The following SETX variants were observed in gnomAD, a reference collection of about 807,000 sequenced individuals.
SETX encodes the protein senataxin.
Under a neutral mutation model 227.2 loss-of-function variants are expected in SETX, and 90 were observed. That is an observed-to-expected ratio of 0.40 (90% CI 0.33 to 0.47). SETX has a LOEUF of 0.47. Ranked by LOEUF, SETX falls within the 20% of genes least tolerant of loss-of-function variation. The pLI, the probability that SETX is intolerant of heterozygous loss-of-function variation, is 0.91. For missense variants in SETX, 3,052 were observed against 3,181.5 expected, an observed-to-expected ratio of 0.96 and a Z score of 0.98; for synonymous variants, 1,210 against 1,113.2, an observed-to-expected ratio of 1.09 and a Z score of -1.73.
intron 25 of SETX, among the ~76,000 whole-genome samples, chr9:132,268,373 C>T (rs533819712): frequency 6.6e-6 from 1 of 152,132 alleles, no homozygotes; most frequent in African/African-American, 2.4e-5. Flanking sequence ...TAGGTACATG[C>T]GCCTATAGTC....
intron 5 of SETX, 130 bp downstream of exon 5, chr9:132,342,560 T>C (rs917461223): frequency 4.3e-5 from 34 of 796,086 alleles, no homozygotes; most frequent in East Asian, 2.2e-4. Flanking sequence ...TACTTAACTG[T>C]AGTAAATTTT....
intron 7 of SETX, 24 bp downstream of exon 7, chr9:132,334,583 AC>A (rs1564552783): frequency 6.2e-7 from 1 of 1,613,144 alleles, no homozygotes; most frequent in Non-Finnish European, 8.5e-7. Flanking sequence ...ATATTCAACA[AC>A]ATTCAGCAAG....
At chr9:132,331,508 T>C in intron 7 of SETX, 60 bp from the exon 8 acceptor site, 1 of 1,543,108 alleles carries the variant, frequency 6.5e-7, no homozygotes, top group Non-Finnish European at 8.9e-7. Flanking sequence ...TACTACAATA[T>C]ATTGAGAATT....
chr9:132,305,271 G>A (rs1005609542), intron 11 of SETX, among the ~76,000 whole-genome samples: 48 of 146,472 alleles, frequency 3.3e-4, no homozygotes, highest in African/African-American at 1.2e-3. Context: ...GGAGAATGGC[G>A]TGAACCCGGG....
chr9:132,340,365 T>C (rs1847886315), intron 5 of SETX, among the ~76,000 whole-genome samples: 1 of 152,244 alleles, frequency 6.6e-6, no homozygotes, highest in South Asian at 2.1e-4. Flanking sequence ...TGTCCTAATA[T>C]ATCTGCTTCT....
intron 7 of SETX, among the ~76,000 whole-genome samples, chr9:132,333,412 T>TAA: frequency 9.6e-6 from 1 of 104,028 alleles, no homozygotes; most frequent in Admixed American, 9.8e-5. Context: ...AAAAAAAATA[T>TAA]ATATACACAC....
chr9:132,329,677 A>T lies in SETX; in HGVS notation c.1921T>A (p.Ser641Thr). 1 of 1,613,920 alleles carries T rather than the reference A, an allele frequency of 6.2e-7. No homozygotes were observed. Among genetic ancestry groups the T allele is most frequent in the Non-Finnish European group, 8.5e-7 (1 of 1,179,968 alleles). The stretch of plus-strand genomic sequence containing the variant: ...GGTTCTTTAGAAAATGTTGGGCTGG[A>T]AGCTTCCAAACAATGCATATCTTTT... ...SRKDMHCLEASSPTFSKEPMK... is the reference protein window; with the variant it reads ...SRKDMHCLEATSPTFSKEPMK... Residue 641 changes from serine to threonine, a missense_variant, in exon 10 of 26, where the codon TCC becomes ACC. By Grantham distance (58) the Ser-to-Thr change is moderately conservative (BLOSUM62 1). Coordinates refer to ENST00000224140, the MANE Select transcript of SETX (RefSeq NM_015046.7).
intron 10 of SETX, among the ~76,000 whole-genome samples, chr9:132,324,534 T>G (rs1846581980): frequency 1.3e-5 from 2 of 152,206 alleles, no homozygotes; most frequent in Admixed American, 6.5e-5. Flanking sequence ...AGTTAACTCC[T>G]AGTCACTTGG....
At chr9:132,307,124 G>A (rs1300970670) in intron 11 of SETX, among the ~76,000 whole-genome samples, 1 of 152,084 alleles carries the variant, frequency 6.6e-6, no homozygotes, top group Non-Finnish European at 1.5e-5. Context: ...GTGTGGTGGT[G>A]AGCACCTGTA....
chr9:132,343,957 T>C (rs1848141453), intron 4 of SETX, among the ~76,000 whole-genome samples: 2 of 152,084 alleles, frequency 1.3e-5, no homozygotes, highest in African/African-American at 2.4e-5. Flanking sequence ...GTCAAACTCA[T>C]GGCCAAAAAA....
chr9:132,264,844 G>A lies in SETX; in HGVS notation c.7429C>T (p.Pro2477Ser), dbSNP rs761790732. 6.2e-7 allele frequency: 1 copy of A among 1,614,190 alleles called. No homozygotes were observed. Among genetic ancestry groups the A allele is most frequent in the Non-Finnish European group, 8.5e-7 (1 of 1,180,036 alleles). ...CTGGACCCCTCTGGGGCTATGGTAG[G>A]AGGGTGAGTGAGACTTCTCTGCAGC... ...PVLQRSLTHP[P>S]TIAPEGSRPQ... Residue 2477 changes from proline to serine, a missense_variant, in exon 26 of 26, where the codon CCT becomes TCT. Physicochemically the swap from Pro to Ser is moderately conservative, Grantham distance 74. This residue lies in a region of SETX where 294 missense variants were observed against 278.8 expected (regional missense o/e 1.05). Transcript: ENST00000224140.
chr9:132,320,593 C>CAAAAAAAAAAAAAAAAAAAAAAAA (rs141457619), intron 10 of SETX, among the ~76,000 whole-genome samples: 1 of 61,068 alleles, frequency 1.6e-5, no homozygotes, highest in Non-Finnish European at 2.9e-5. Context: ...GACTCCAACT[C>CAAAAAAAAAAAAAAAAAAAAAAAA]AAAAAAAAAA....
chr9:132,327,095 A>G lies in SETX; in HGVS notation c.4503T>C (p.Asn1501=). Residue 1501 remains asparagine, a synonymous_variant, in exon 10 of 26, where the codon AAT becomes AAC. Coordinates refer to ENST00000224140, the MANE Select transcript of SETX (RefSeq NM_015046.7). ...AACATAAATCCATATCTTCAGGATC[A>G]TTTTGGGTTAAAAATAAGTTATCTT... ...AEEDNLFLTQ[N]DPEDMDLCSQ... 6.2e-7 allele frequency: 1 copy of G among 1,614,186 alleles called. No individual in the cohort carries two copies. Among genetic ancestry groups the G allele is most frequent in the South Asian group, 1.1e-5 (1 of 91,084 alleles).
intron 5 of SETX, among the ~76,000 whole-genome samples, chr9:132,338,384 C>A (rs1361034822): frequency 6.6e-6 from 1 of 152,142 alleles, no homozygotes; most frequent in African/African-American, 2.4e-5. Flanking sequence ...AGCCACCGTG[C>A]CCAGCCTCAC....
chr9:132,283,546 G>A (rs1453585563), intron 18 of SETX, 133 bp from the exon 19 acceptor site: 8 of 1,113,010 alleles, frequency 7.2e-6, no homozygotes, highest in Non-Finnish European at 1.1e-5. Flanking sequence ...TAAAAGTTAG[G>A]GGAAACCCTC....
At position 132,261,914 on chromosome 9, in the gene SETX, AAAG is replaced by A. The variant is rs1197464837; in HGVS notation, c.*2322_*2324del. The A allele has an allele frequency of 6.5e-6, 1 of 154,450 alleles. No individual in the cohort carries two copies. The highest frequency in any genetic ancestry group is 1.5e-5 in the Non-Finnish European group (1 of 68,220). The allele number at this position is 154,450 out of a possible 1,614,324, so 9.6% of individuals were successfully genotyped here. On this transcript the variant is annotated 3_prime_UTR_variant, in exon 26 of 26. Coordinates refer to ENST00000224140, the MANE Select transcript of SETX (RefSeq NM_015046.7). ...AAGAGCCACACTTCACACCTTGTAA[AAAG>A]AATAGCCCTGTTCAACAACGCTGCG...
At chr9:132,308,859 T>C (rs927192535) in intron 11 of SETX, among the ~76,000 whole-genome samples, 2 of 151,802 alleles carry the variant, frequency 1.3e-5, no homozygotes, top group African/African-American at 2.4e-5. Flanking sequence ...TAGAGCAAGG[T>C]AGGAGGGGTG....
At chr9:132,319,611 T>G (rs893018698) in intron 10 of SETX, among the ~76,000 whole-genome samples, 42 of 152,162 alleles carry the variant, frequency 2.8e-4, no homozygotes, top group Admixed American at 2.4e-3. Flanking sequence ...CCACCCCACC[T>G]CCTGAACAAT....
chr9:132,346,298 T>C lies in SETX; in HGVS notation c.351A>G (p.Ile117Met), dbSNP rs1338835422. ...GTAGAAGCAAGTAAGGATATTTCAG[T>C]ATTTCAAGAAGAGGAACTCGAAGCT... is the stretch of plus-strand genomic sequence containing the variant. The part of the protein sequence containing the change: ...ENKLRVPLLE[I>M]LKYPYLLLHE... The change falls in exon 4 of 26, where the codon ATA becomes ATG. Residue 117 changes from isoleucine to methionine, a missense_variant. Ile to Met is a conservative substitution (Grantham distance 10). Transcript: ENST00000224140. The C allele has an allele frequency of 1.2e-6, 2 of 1,613,948 alleles. No homozygotes were observed. The highest frequency in any genetic ancestry group is 4.5e-5 in the East Asian group (2 of 44,856).
Sources: gnomAD v4.1 joint callset for allele counts (sites outside exome capture counted in the v4.1 genomes callset) on GRCh38, gnomAD v4.1.1 for gene constraint, gnomAD v4.1.1 regional missense constraint, MANE v1.5 for transcripts, NCBI Gene and HGNC (gene_info 2026-07-23, HGNC 2026-07-21) for gene names.